NBPF26: variants seen among roughly 807,000 people sequenced by gnomAD.
NBPF26 encodes NBPF family member NBPF26.
In NBPF26, 79 loss-of-function variants were observed where a neutral mutation model predicts 119.6. That is an observed-to-expected ratio of 0.66 (90% confidence interval 0.55 to 0.80). The LOEUF is 0.80. NBPF26 is among the 30% of genes least tolerant of loss of function. The probability of loss-of-function intolerance (pLI) is 0.00; values close to 1 mark genes in which losing one functional copy is unlikely to be tolerated. For synonymous variants in NBPF26, 299 were observed against 457.7 expected (o/e 0.65, Z 4.43); for missense variants, 800 against 1,198.2 (o/e 0.67, Z 4.91).
intron 17 of NBPF26, among the ~76,000 whole-genome samples, chr1:120,823,584 AG>A (rs1412309175): frequency 0.057 from 6,849 of 120,374 alleles, 1,429 homozygotes; most frequent in African/African-American, 0.2. Flanking sequence ...ATACCTCAAA[AG>A]CTGTATTCTC....
At position 120,822,117 on chromosome 1, in the gene NBPF26, T is replaced by C. The variant is rs1304965010; in HGVS notation, c.2437T>C (p.Ser813Pro). 4.2e-5 allele frequency: 60 copies of C among 1,437,970 alleles called. 2 individuals are homozygous for C. In the East Asian group the frequency reaches 1.3e-3, roughly 32 times the overall value. The allele number at this position is 1,437,970 out of a possible 1,614,324, so 89.1% of individuals were successfully genotyped here. The change falls in exon 16 of 30, where the codon TCT becomes CCT. Residue 813 changes from serine (S) to proline (P), a missense_variant. Physicochemically the swap from Ser to Pro is moderately conservative, Grantham distance 74 (BLOSUM62 -1). This residue lies in a region of NBPF26 where 59 missense variants were observed against 112.3 expected (regional missense o/e 0.53). Transcript: ENST00000620612. The stretch of plus-strand genomic sequence containing the variant: ...CTGGCTCATCAGGAATCTGCAGGAG[T>C]CTGAAGAGGAGGAAGTCCCCCAGGA...
rs1308421432 is a variant in NBPF26, at chr1:120,791,317, A to G, written c.416-1844A>G. On this transcript the variant is annotated intron_variant, in intron 3 of 29. Coordinates refer to ENST00000620612, the Ensembl canonical transcript of NBPF26. ...ACTGGATATATACCCAAAGAATTAT[A>G]AATCGTGCTGCTATAAAGACACATG... Among the ~76,000 whole-genome samples, 52 of 86,036 alleles carry G rather than the reference A, an allele frequency of 6.0e-4. 3 individuals carry two copies. In the South Asian group the frequency reaches 0.014, roughly 23 times the overall value. 56.4% of individuals were successfully genotyped at this position (86,036 alleles called of 152,430 possible).
chr1:120,768,583 A>T (rs1651220425), intron 2 of NBPF26, among the ~76,000 whole-genome samples: 1 of 109,256 alleles, frequency 9.2e-6, no homozygotes, highest in South Asian at 2.7e-4. Flanking sequence ...CTTCTGCTGC[A>T]TGAACTGGGG....
rs1401754702 is a variant in NBPF26 at position 120,840,272 on chromosome 1, G to T, written c.4104-78G>T. 13 of 1,438,372 alleles carry T rather than the reference G, an allele frequency of 9.0e-6. 3 individuals are homozygous for T. The African/African-American group carries it at 1.0e-4, about 12-fold the overall frequency. The allele number at this position is 1,438,372 out of a possible 1,614,324, so 89.1% of individuals were successfully genotyped here. On this transcript the variant is annotated intron_variant, in intron 29 of 29. Transcript: ENST00000620612. ...TTTTCTTTTCTAACCACTTCCTTAT[G>T]TTACTTCTGAAATCTAGTGGGGCTC...
rs1651687117 is a variant in NBPF26 at position 120,806,463 on chromosome 1, G to A, written c.961+698G>A. Among the ~76,000 whole-genome samples, 7 of 116,884 alleles carry A rather than the reference G, an allele frequency of 6.0e-5. 3 individuals carry two copies. The highest frequency in any genetic ancestry group is 3.0e-4 in the African/African-American group (7 of 23,606). 76.7% of individuals were successfully genotyped at this position (116,884 alleles called of 152,430 possible). A position where few individuals can be genotyped will look rare whatever the true frequency, so the allele number is the denominator to read the frequency against. On this transcript the variant is annotated intron_variant, in intron 5 of 29. Transcript: ENST00000620612. ...CAAAAAGTAGATGGGCATCGTGGCGGGCAACTGTAATCACCACTAATCGGG... is the reference window on the plus strand; with the variant it reads ...CAAAAAGTAGATGGGCATCGTGGCGAGCAACTGTAATCACCACTAATCGGG...
chr1:120,789,948 A>C (rs1265900043), intron 3 of NBPF26, among the ~76,000 whole-genome samples: 1 of 83,046 alleles, frequency 1.2e-5, no homozygotes, highest in Non-Finnish European at 2.1e-5. Flanking sequence ...TCCCAAATTA[A>C]AACTTCTTCC....
At chr1:120,807,738 G>A (rs1553270335) in intron 6 of NBPF26, 29 bp downstream of exon 6, 2 of 1,095,074 alleles carry the variant, frequency 1.8e-6, no homozygotes, top group South Asian at 1.3e-5. Flanking sequence ...GGCAGGCAGG[G>A]GGGCAGGTGT....
chr1:120,728,505 G>C (rs1650839727), intron 1 of NBPF26, among the ~76,000 whole-genome samples: 2 of 115,692 alleles, frequency 1.7e-5, no homozygotes, highest in Non-Finnish European at 3.3e-5. Context: ...AAATCACTTT[G>C]ACTTTGGAAT....
chr1:120,802,861 C>T (rs1651598141), intron 4 of NBPF26, among the ~76,000 whole-genome samples: 2 of 100,696 alleles, frequency 2.0e-5, no homozygotes, highest in Non-Finnish European at 3.7e-5. Context: ...TTGAGGACAT[C>T]ACTGGAACAT....
intron 19 of NBPF26, among the ~76,000 whole-genome samples, 200 bp from the exon 24 acceptor site, chr1:120,830,216 G>A (rs2101546495): frequency 8.3e-6 from 1 of 121,188 alleles, no homozygotes; most frequent in East Asian, 2.1e-4. Context: ...CTCTCTCTCT[G>A]CCTCTCCCTG....
In NBPF26 at chr1:120,791,646, G is replaced by A. The variant is rs1274964710; in HGVS notation, c.416-1515G>A. ...GGAACATCACAAACCGGGGCCTGTC[G>A]TGGGGTGGTGGGATGGGGGAGGGAT... On this transcript the variant is annotated intron_variant, in intron 3 of 29. Coordinates refer to ENST00000620612, the Ensembl canonical transcript of NBPF26. Among the ~76,000 whole-genome samples the A allele has an allele frequency of 1.7e-4, 6 of 35,244 alleles. 1 individual carries two copies. The highest frequency in any genetic ancestry group is 7.3e-4 in the Admixed American group (3 of 4,102). The allele number at this position is 35,244 out of a possible 152,430, so 23.1% of individuals were successfully genotyped here.
chr1:120,812,405 C>A lies in NBPF26; in HGVS notation c.1774+310C>A, dbSNP rs1651891291. On this transcript the variant is annotated intron_variant, in intron 10 of 29. Transcript: ENST00000620612. ...CGTGTTTTCAAGAATCCTCTCTGTACCATATAAGATCCTGCAGACAAATAA... is the reference window on the plus strand; with the variant it reads ...CGTGTTTTCAAGAATCCTCTCTGTAACATATAAGATCCTGCAGACAAATAA... Among the ~76,000 whole-genome samples, 3 of 68,526 alleles carry A rather than the reference C, an allele frequency of 4.4e-5. No individual in the cohort carries two copies. In the South Asian group the frequency reaches 1.3e-3, roughly 30 times the overall value. 45.0% of individuals were successfully genotyped at this position (68,526 alleles called of 152,430 possible).
At chr1:120,809,958 A>G in intron 8 of NBPF26, 75 bp downstream of exon 8, 1 of 1,507,688 alleles carries the variant, frequency 6.6e-7, no homozygotes, top group East Asian at 2.2e-5. Context: ...CCTCTCTGGC[A>G]TCTATGGTGG....
At position 120,840,314 on chromosome 1, in the gene NBPF26, C is replaced by T; in HGVS notation, c.4104-36C>T. On this transcript the variant is annotated intron_variant, in intron 29 of 29. Coordinates refer to ENST00000620612, the Ensembl canonical transcript of NBPF26. The stretch of plus-strand genomic sequence containing the variant: ...GTGGGGCTCTGTGGTGTCCGATTTT[C>T]CCTGGCTGCTTCTTTAGTTTTGTCT... 2.8e-6 allele frequency: 4 copies of T among 1,444,162 alleles called. 1 individual carries two copies. In the Middle Eastern group the frequency reaches 7.3e-4, roughly 263 times the overall value. 89.5% of individuals were successfully genotyped at this position (1,444,162 alleles called of 1,614,324 possible).
At chr1:120,788,437 G>T (rs1651447898) in intron 3 of NBPF26, among the ~76,000 whole-genome samples, 1 of 61,932 alleles carries the variant, frequency 1.6e-5, no homozygotes, top group Non-Finnish European at 2.9e-5. Context: ...GCGGGAACAG[G>T]AAGCAAACAT....
rs1180870271 is a variant in NBPF26, at chr1:120,770,517, T to C, written c.155+6808T>C. Among the ~76,000 whole-genome samples the C allele has an allele frequency of 6.0e-5, 7 of 116,766 alleles. 1 individual carries two copies. Among genetic ancestry groups the C allele is most frequent in the Non-Finnish European group, 1.1e-4 (7 of 61,156 alleles). The allele number at this position is 116,766 out of a possible 152,430, so 76.6% of individuals were successfully genotyped here. ...AGATAGACTTAAGTTTGAGTCCTGA[T>C]TCCTATTAACAATTGGATCTTTGGC... is the stretch of plus-strand genomic sequence containing the variant. On this transcript the variant is annotated intron_variant, in intron 2 of 29. Transcript: ENST00000620612.
chr1:120,811,208 A>T (rs1651856206), intron 9 of NBPF26, among the ~76,000 whole-genome samples: 1 of 104,744 alleles, frequency 9.5e-6, no homozygotes, highest in Admixed American at 9.1e-5. Context: ...AGATTGTGCC[A>T]CTGCACTCCA....
Position 120,785,163 on chromosome 1 carries a change from C to T in NBPF26, c.345C>T (p.Cys115=), listed in dbSNP as rs1571028716. Residue 115 remains cysteine, a synonymous_variant, in exon 3 of 30, where the codon TGC becomes TGT. Coordinates refer to ENST00000620612, the Ensembl canonical transcript of NBPF26. The stretch of plus-strand genomic sequence containing the variant: ...ATCCATGCTTTGTGTCTCGACCTTG[C>T]CTGAATGGCGGCACATGCCATATGC... The T allele has an allele frequency of 5.5e-6, 8 of 1,446,334 alleles. 2 individuals are homozygous for T. The East Asian group carries it at 1.9e-4, about 34-fold the overall frequency. 89.6% of individuals were successfully genotyped at this position (1,446,334 alleles called of 1,614,324 possible). A position where few individuals can be genotyped will look rare whatever the true frequency, so the allele number is the denominator to read the frequency against.
intron 2 of NBPF26, among the ~76,000 whole-genome samples, chr1:120,784,298 T>G (rs1474145142): frequency 8.5e-6 from 1 of 117,638 alleles, no homozygotes; most frequent in African/African-American, 5.0e-5. Context: ...CTGTTGTACC[T>G]CATATGTAAG....
Sources: allele counts gnomAD v4.1 joint callset (sites outside exome capture counted in the v4.1 genomes callset), GRCh38; gene constraint gnomAD v4.1.1; regional missense constraint gnomAD v4.1.1; transcripts MANE v1.5; gene names NCBI Gene and HGNC (gene_info 2026-07-23, HGNC 2026-07-21).